The following SEZ6 variants were observed in gnomAD, a reference collection of about 807,000 sequenced individuals.
The protein encoded by SEZ6 is seizure protein 6 homolog.
SEZ6 carries 53 observed loss-of-function variants against 101.0 expected under a neutral mutation model. The ratio of observed to expected loss-of-function variants is 0.52; its 90% CI spans 0.42 to 0.66. The LOEUF is 0.66. Ranked by LOEUF, SEZ6 falls within the 30% of genes least tolerant of loss-of-function variation. SEZ6 has a pLI of 0.00. For missense variants in SEZ6, 1,102 were observed against 1,289.4 expected (o/e 0.85, Z 2.23); for synonymous variants, 488 against 512.2 (o/e 0.95, Z 0.64).
At chr17:28,969,549 G>A (rs1431282100) in intron 4 of SEZ6, among the ~76,000 whole-genome samples, 1 of 152,190 alleles carries the variant, frequency 6.6e-6, no homozygotes, top group Non-Finnish European at 1.5e-5. Context: ...TCTCTGCAGG[G>A]TGGTGGGTGG....
chr17:28,958,196 C>A, intron 10 of SEZ6, 55 bp from the exon 11 acceptor site: 13 of 1,540,202 alleles, frequency 8.4e-6, no homozygotes, highest in Non-Finnish European at 1.1e-5. Context: ...AAGTGACTGT[C>A]CCCCTCACCT....
Position 28,966,574 on chromosome 17 carries a change from C to T in SEZ6, c.1055-2427G>A, listed in dbSNP as rs562007260. On this transcript the variant is annotated intron_variant, in intron 4 of 16. Transcript: ENST00000317338. ...AGGCTGAGAGGCTTGTGCTACAGAG[C>T]CTGATAACCCTTGGGGTGGTAGGAA... Among the ~76,000 whole-genome samples, 8 of 152,200 alleles carry T rather than the reference C, an allele frequency of 5.3e-5. No homozygotes were observed. The East Asian group carries it at 1.5e-3, about 29-fold the overall frequency.
At chr17:28,965,400 G>T (rs1271307295) in intron 4 of SEZ6, among the ~76,000 whole-genome samples, 1 of 151,954 alleles carries the variant, frequency 6.6e-6, no homozygotes, top group Non-Finnish European at 1.5e-5. Context: ...GTGGTAGGCT[G>T]GGGCAAGGTG....
intron 3 of SEZ6, among the ~76,000 whole-genome samples, chr17:28,970,195 A>G (rs2152686425): frequency 6.6e-6 from 1 of 152,346 alleles, no homozygotes. Context: ...GATTCTTAGC[A>G]GAACTGGGGT....
chr17:28,956,186 C>T lies in SEZ6; in HGVS notation c.2925G>A (p.Ala975=), dbSNP rs775642991. ...RPYNRITIES[A]FDNPTYETGS... The stretch of plus-strand genomic sequence containing the variant: ...CAGTCTCGTAAGTTGGATTGTCAAA[C>T]GCTGACTCTATGGTAATGCGGTTGT... Residue 975 remains alanine (A), a synonymous_variant, in exon 16 of 17, where the codon GCG becomes GCA. Transcript: ENST00000317338. The T allele has an allele frequency of 1.1e-5, 17 of 1,583,932 alleles. No individual in the cohort carries two copies. The highest frequency in any genetic ancestry group is 6.0e-5 in the African/African-American group (4 of 66,622).
chr17:28,985,309 G>GGGCCCTT (rs2041364582), intron 1 of SEZ6, among the ~76,000 whole-genome samples: 1 of 152,326 alleles, frequency 6.6e-6, no homozygotes, highest in East Asian at 1.9e-4. Context: ...GTTGGGCCCT[G>GGGCCCTT]GTCGAGCAGG....
chr17:28,966,449 C>T (rs2041069501), intron 4 of SEZ6, among the ~76,000 whole-genome samples: 1 of 152,162 alleles, frequency 6.6e-6, no homozygotes, highest in Admixed American at 6.5e-5. Context: ...CGCTACTGCA[C>T]TCCAGCCTGG....
chr17:29,004,549 C>A (rs2041659102), intron 1 of SEZ6, among the ~76,000 whole-genome samples: 2 of 152,182 alleles, frequency 1.3e-5, no homozygotes, highest in Admixed American at 1.3e-4. Context: ...GTCTCCGGGG[C>A]CACAGTTTTT....
At chr17:28,991,276 C>T (rs1436937414) in intron 1 of SEZ6, among the ~76,000 whole-genome samples, 2 of 152,198 alleles carry the variant, frequency 1.3e-5, no homozygotes, top group East Asian at 1.9e-4. Context: ...ACGATCTTGG[C>T]TCACTGCAAC....
chr17:29,004,038 G>A (rs1432916925), intron 1 of SEZ6, among the ~76,000 whole-genome samples: 1 of 152,130 alleles, frequency 6.6e-6, no homozygotes, highest in Non-Finnish European at 1.5e-5. Flanking sequence ...GCCCTGCAGG[G>A]AGCTCTCTGG....
At chr17:28,969,634 G>T in intron 4 of SEZ6, 123 bp downstream of exon 4, 1 of 891,510 alleles carries the variant, frequency 1.1e-6, no homozygotes, top group Non-Finnish European at 1.6e-6. Context: ...GGACATTTGT[G>T]CTATGTGTCA....
chr17:28,991,175 G>C (rs1347273941), intron 1 of SEZ6, among the ~76,000 whole-genome samples: 1 of 151,596 alleles, frequency 6.6e-6, no homozygotes, highest in Non-Finnish European at 1.5e-5. Flanking sequence ...AAAATGCTGG[G>C]ATTACAGGCG....
At position 28,959,222 on chromosome 17, in the gene SEZ6, CT is replaced by C; in HGVS notation, c.1911-2del. On this transcript the variant is annotated splice_acceptor_variant, in intron 9 of 16. Transcript: ENST00000317338. LOFTEE classifies it high-confidence loss of function. The surrounding 1 kb of genome is among the most constrained non-coding windows in gnomAD (Gnocchi z 4.4). ...CACATCACCAGGGCCTATGCGCAGC[CT>C]GTGAAGGAGGAGCGTCAGGGCAGAG... is the stretch of plus-strand genomic sequence containing the variant. 1 of 1,612,558 alleles carries C rather than the reference CT, an allele frequency of 6.2e-7. No individual in the cohort carries two copies. The highest frequency in any genetic ancestry group is 8.5e-7 in the Non-Finnish European group (1 of 1,178,998).
In SEZ6 at chr17:28,981,771, G is replaced by T; in HGVS notation, c.324C>A (p.Pro108=). 6.2e-7 allele frequency: 1 copy of T among 1,612,548 alleles called. No homozygotes were observed. Among genetic ancestry groups the T allele is most frequent in the Non-Finnish European group, 8.5e-7 (1 of 1,178,758 alleles). ...GGCGGCTGTCCTGGTTGGCCAGGCG[G>T]GGAAGGGGACTTGGGGTGAAGGGTG... ...PPAPFTPSPL[P]RLANQDSRPV... Residue 108 remains proline (P), a synonymous_variant, in exon 2 of 17, where the codon CCC becomes CCA. Transcript: ENST00000317338.
At position 28,990,558 on chromosome 17, in the gene SEZ6, C is replaced by A. The variant is rs539392559; in HGVS notation, c.56-8519G>T. The stretch of plus-strand genomic sequence containing the variant: ...GGGATTACAGGTGTGAGCCACTGTG[C>A]CTGGCAAGACTTTTGCATTTCTGTT... On this transcript the variant is annotated intron_variant, in intron 1 of 16. Transcript: ENST00000317338. Among the ~76,000 whole-genome samples, 40 of 152,228 alleles carry A rather than the reference C, an allele frequency of 2.6e-4. 1 individual carries two copies. In the South Asian group the frequency reaches 5.0e-3, roughly 19 times the overall value.
At chr17:28,985,025 A>G (rs1237315358) in intron 1 of SEZ6, among the ~76,000 whole-genome samples, 1 of 152,146 alleles carries the variant, frequency 6.6e-6, no homozygotes, top group East Asian at 1.9e-4. Flanking sequence ...TTTTATTTCC[A>G]TTTTACAAAG....
In SEZ6 at chr17:28,956,731, G is replaced by A. The variant is rs774452127; in HGVS notation, c.2719C>T (p.Arg907Cys). 9.0e-6 allele frequency: 14 copies of A among 1,563,070 alleles called. No homozygotes were observed. Among genetic ancestry groups the A allele is most frequent in the African/African-American group, 5.4e-5 (4 of 73,646 alleles). Residue 907 changes from arginine to cysteine, a missense_variant, in exon 14 of 17, where the codon CGC becomes TGC. Physicochemically the swap from Arg to Cys is radical, Grantham distance 180 (BLOSUM62 -3). This residue lies in a region of SEZ6 where 140 missense variants were observed against 135.7 expected (regional missense o/e 1.03). Transcript: ENST00000317338. ...GGTGGAGACTTACCATCCAGGCTGC[G>A]ACTGTTGTAGAACCCATCCAGAGAG... ...AASLDGFYNS[R>C]SLDVAKAPAA...
In SEZ6 at chr17:29,005,607, G is replaced by C. The variant is rs1326252372; in HGVS notation, c.55+208C>G. Among the ~76,000 whole-genome samples the C allele has an allele frequency of 6.6e-6, 1 of 151,856 alleles. No homozygotes were observed. The highest frequency in any genetic ancestry group is 1.5e-5 in the Non-Finnish European group (1 of 67,908). On this transcript the variant is annotated intron_variant, in intron 1 of 16. Coordinates refer to ENST00000317338, the MANE Select transcript of SEZ6 (RefSeq NM_178860.5). This position sits in a 1 kb window ranked among gnomAD's most constrained non-coding sequence, Gnocchi z 4.8. Reference sequence around the variant, plus strand: ...GATGATTAAAGACGAGGTCTCGGCCGGGCGCGAATGGCGGGAGCCGCGGCA... The same window carrying C: ...GATGATTAAAGACGAGGTCTCGGCCCGGCGCGAATGGCGGGAGCCGCGGCA...
At chr17:28,987,556 G>A (rs78874015) in intron 1 of SEZ6, among the ~76,000 whole-genome samples, 3,348 of 152,216 alleles carry the variant, frequency 0.022, 119 homozygotes, top group African/African-American at 0.077. Flanking sequence ...ACCCCCATGA[G>A]ACAGATAAGG....
Sources: gnomAD v4.1 joint callset for allele counts (sites outside exome capture counted in the v4.1 genomes callset) on GRCh38, gnomAD v4.1.1 for gene constraint, gnomAD v4.1.1 regional missense constraint, Gnocchi (gnomAD v3.1) non-coding constraint, MANE v1.5 for transcripts, NCBI Gene and HGNC (gene_info 2026-07-23, HGNC 2026-07-21) for gene names.